MROH9: variants seen among roughly 807,000 people sequenced by gnomAD.
MROH9 encodes the protein maestro heat-like repeat-containing protein family member 9.
MROH9 carries 92 observed loss-of-function variants against 98.2 expected under a neutral mutation model. The observed-to-expected ratio is 0.94, with a 90% confidence interval of 0.79 to 1.11. The LOEUF (loss-of-function observed/expected upper bound fraction) is 1.11. Ranked by LOEUF, MROH9 falls within the 50% of genes most tolerant of loss-of-function variation. The probability of loss-of-function intolerance (pLI) is 0.00; values close to 1 mark genes in which losing one functional copy is unlikely to be tolerated. For missense variants in MROH9, 1,057 were observed against 1,014.8 expected, an observed-to-expected ratio of 1.04 and a Z score of -0.57; for synonymous variants, 397 against 368.9, an observed-to-expected ratio of 1.08 and a Z score of -0.87.
At chr1:170,990,087 T>G in intron 11 of MROH9, 84 bp downstream of exon 11, 1 of 1,361,328 alleles carries the variant, frequency 7.3e-7, no homozygotes, top group South Asian at 1.6e-5. Flanking sequence ...CAACTCTCAA[T>G]CTACCATAGT....
At chr1:171,015,004 T>A in intron 16 of MROH9, 2 of 471,900 alleles carry the variant, frequency 4.2e-6, no homozygotes, top group Non-Finnish European at 8.8e-6. Flanking sequence ...ACTTCTTACC[T>A]TCCAGGTCGA....
At chr1:171,021,871 T>A (rs1378422413) in intron 17 of MROH9, among the ~76,000 whole-genome samples, 1 of 149,476 alleles carries the variant, frequency 6.7e-6, no homozygotes, top group African/African-American at 2.5e-5. Context: ...AGATCTAATA[T>A]CCAGAATCTA....
intron 9 of MROH9, 24 bp downstream of exon 9, chr1:170,983,558 G>A (rs757628549): frequency 1.2e-5 from 16 of 1,387,256 alleles, no homozygotes; most frequent in East Asian, 6.9e-5. Flanking sequence ...CACTTTTTCC[G>A]AGGGCTTTTG....
At chr1:171,062,054 G>T in intron 20 of MROH9, 78 bp from the exon 21 acceptor site, 3 of 901,228 alleles carry the variant, frequency 3.3e-6, no homozygotes, top group South Asian at 3.1e-5. Flanking sequence ...AAAAAGCAAA[G>T]AAGGTAGCCA....
At chr1:170,996,451 T>A in intron 13 of MROH9, 56 bp from the exon 14 acceptor site, 1 of 1,593,306 alleles carries the variant, frequency 6.3e-7, no homozygotes, top group East Asian at 2.2e-5. Context: ...TAATGTGTAT[T>A]TAGTTTTTTG....
At chr1:171,033,184 C>T (rs888566055) in intron 20 of MROH9, among the ~76,000 whole-genome samples, 3 of 152,248 alleles carry the variant, frequency 2.0e-5, no homozygotes, top group Non-Finnish European at 2.9e-5. Context: ...CTTCCCCTGC[C>T]CAGGGAGCTT....
intron 1 of MROH9, among the ~76,000 whole-genome samples, chr1:170,939,134 T>C (rs1479111822): frequency 6.6e-6 from 1 of 152,224 alleles, no homozygotes; most frequent in Admixed American, 6.5e-5. Context: ...CTTCAAACTT[T>C]TTGCTAATTC....
At chr1:170,970,314 A>T (rs936916014) in intron 7 of MROH9, among the ~76,000 whole-genome samples, 1 of 152,126 alleles carries the variant, frequency 6.6e-6, no homozygotes, top group Non-Finnish European at 1.5e-5. Context: ...TCTCATACCC[A>T]GTAGAGAGAG....
chr1:170,937,716 G>A (rs963144909), intron 1 of MROH9, among the ~76,000 whole-genome samples: 9 of 151,508 alleles, frequency 5.9e-5, no homozygotes, highest in Non-Finnish European at 1.2e-4. Context: ...GTAGAGACGG[G>A]GTTTCACCGT....
At chr1:170,956,582 C>CTTTT (rs869218785) in intron 3 of MROH9, among the ~76,000 whole-genome samples, 25 of 114,918 alleles carry the variant, frequency 2.2e-4, no homozygotes, top group African/African-American at 7.4e-4. Context: ...TTTCTCTTTC[C>CTTTT]TTTTTTTTTT....
chr1:171,021,818 C>A (rs1193258753), intron 17 of MROH9, among the ~76,000 whole-genome samples: 1 of 151,724 alleles, frequency 6.6e-6, no homozygotes, highest in Non-Finnish European at 1.5e-5. Flanking sequence ...AATAGGCAAC[C>A]TACAGAATGG....
intron 3 of MROH9, among the ~76,000 whole-genome samples, chr1:170,957,952 G>A (rs1649837099): frequency 6.6e-6 from 1 of 152,058 alleles, no homozygotes; most frequent in African/African-American, 2.4e-5. Flanking sequence ...GGGACTACAG[G>A]CGCCCGCTAC....
intron 17 of MROH9, among the ~76,000 whole-genome samples, chr1:171,022,181 A>C (rs552775743): frequency 7.2e-4 from 110 of 152,242 alleles, no homozygotes; most frequent in African/African-American, 2.5e-3. Context: ...TTGTGGAATA[A>C]AGTATGGTGA....
rs774994866 is a variant in MROH9 at position 170,995,430 on chromosome 1, C to T, written c.1236C>T (p.Tyr412=). Residue 412 remains tyrosine, a synonymous_variant, in exon 13 of 22, where the codon TAC becomes TAT. Transcript: ENST00000367759. ...GCACCTTTCTGCCTCTTGGTTCCTACAGGAAAGCGGTGGCCCAGTATTTCC... is the reference window on the plus strand; with the variant it reads ...GCACCTTTCTGCCTCTTGGTTCCTATAGGAAAGCGGTGGCCCAGTATTTCC... ...ALCTFLPLGS[Y]RKAVAQYFPQ... 1.2e-6 allele frequency: 2 copies of T among 1,613,316 alleles called. No homozygotes were observed. Among genetic ancestry groups the T allele is most frequent in the Non-Finnish European group, 1.7e-6 (2 of 1,179,554 alleles).
chr1:170,998,673 A>T, intron 15 of MROH9: 1 of 1,105,596 alleles, frequency 9.0e-7, no homozygotes, highest in Non-Finnish European at 1.1e-6. Flanking sequence ...CTGGCTGAGT[A>T]ACTGGGTAAA....
chr1:171,025,322 T>C lies in MROH9; in HGVS notation c.2183T>C (p.Ile728Thr), dbSNP rs2101842979. Residue 728 changes from isoleucine (I) to threonine (T), a missense_variant, in exon 20 of 22, where the codon ATT becomes ACT. By Grantham distance (89) the Ile-to-Thr change is moderately conservative. Transcript: ENST00000367759. ...TTTTTCCCTTTTTATTCTCAGATTA[T>C]TTCTCATAGGAACTACATTACAGAT... ...VVLNICNNLIISHRNYITDLT... is the reference protein window; with the variant it reads ...VVLNICNNLITSHRNYITDLT... 1 of 1,537,822 alleles carries C rather than the reference T, an allele frequency of 6.5e-7. No individual in the cohort carries two copies. Among genetic ancestry groups the C allele is most frequent in the Non-Finnish European group, 8.8e-7 (1 of 1,134,750 alleles).
At chr1:171,027,095 CA>C (rs895218447) in intron 20 of MROH9, among the ~76,000 whole-genome samples, 10 of 150,220 alleles carry the variant, frequency 6.7e-5, no homozygotes, top group African/African-American at 2.0e-4. Context: ...TTCCTTCTTC[CA>C]AAAAAAAATG....
At chr1:171,050,508 G>A (rs1653629556) in intron 20 of MROH9, among the ~76,000 whole-genome samples, 1 of 152,176 alleles carries the variant, frequency 6.6e-6, no homozygotes, top group South Asian at 2.1e-4. Context: ...AAATGCTACT[G>A]ATTTCAGTAT....
intron 10 of MROH9, 77 bp from the exon 11 acceptor site, chr1:170,989,778 A>T: frequency 7.5e-7 from 1 of 1,332,714 alleles, no homozygotes; most frequent in Non-Finnish European, 1.0e-6. Flanking sequence ...GTGAATTCTT[A>T]TGTCCAAGAA....
Sources: allele counts gnomAD v4.1 joint callset (sites outside exome capture counted in the v4.1 genomes callset), GRCh38; gene constraint gnomAD v4.1.1; transcripts MANE v1.5; gene names NCBI Gene and HGNC (gene_info 2026-07-23, HGNC 2026-07-21).